SLIT3: variants seen among roughly 807,000 people sequenced by gnomAD.
The protein encoded by SLIT3 is slit guidance ligand 3, also known as slit homolog 3 protein.
A neutral mutation model predicts 184.0 loss-of-function variants in SLIT3; 68 were observed. That is an observed-to-expected ratio of 0.37 (90% CI 0.30 to 0.45). SLIT3 has a LOEUF of 0.45. SLIT3 is among the 20% of genes least tolerant of loss of function. The pLI is 1.00. For missense variants in SLIT3, 1,707 were observed against 2,026.0 expected (o/e 0.84, Z 3.02); for synonymous variants, 831 against 828.6 (o/e 1.00, Z -0.05).
chr5:169,220,196 GT>G, intron 3 of SLIT3, among the ~76,000 whole-genome samples: 1 of 151,996 alleles, frequency 6.6e-6, no homozygotes, highest in Admixed American at 6.6e-5. Flanking sequence ...GGACACCACA[GT>G]GCCCTGTATA....
intron 22 of SLIT3, 30 bp downstream of exon 22, chr5:168,722,903 A>ATT (rs1762988773): frequency 6.5e-7 from 1 of 1,549,804 alleles, no homozygotes; most frequent in Non-Finnish European, 8.9e-7. Context: ...GCCCAAGGGC[A>ATT]TGGTAAACAC....
intron 4 of SLIT3, among the ~76,000 whole-genome samples, chr5:169,075,640 G>A (rs1005225246): frequency 2.0e-5 from 3 of 152,216 alleles, no homozygotes; most frequent in African/African-American, 7.2e-5. Context: ...AACATTCTAG[G>A]TGGAAGCAAA....
rs10041941 is a variant in SLIT3, at chr5:168,823,377, G to T, written c.558-46C>A. 14,915 of 1,398,706 alleles carry T rather than the reference G, an allele frequency of 0.011. 1,186 individuals carry two copies. In the African/African-American group the frequency reaches 0.18, roughly 17 times the overall value. 86.6% of individuals were successfully genotyped at this position (1,398,706 alleles called of 1,614,324 possible). On this transcript the variant is annotated intron_variant, in intron 6 of 35. Transcript: ENST00000519560. ...GATGGTCAGCCAGGCAGCAGCAGGGGAGGCACCAAGATGCTTGTAGTAGGT... is the reference window on the plus strand; with the variant it reads ...GATGGTCAGCCAGGCAGCAGCAGGGTAGGCACCAAGATGCTTGTAGTAGGT...
At chr5:169,189,082 C>T (rs1181597348) in intron 4 of SLIT3, among the ~76,000 whole-genome samples, 2 of 152,148 alleles carry the variant, frequency 1.3e-5, no homozygotes, top group Admixed American at 6.5e-5. Flanking sequence ...GATATAAGTT[C>T]AGGGAACTTC....
intron 4 of SLIT3, among the ~76,000 whole-genome samples, chr5:169,034,467 G>A (rs950670086): frequency 6.6e-6 from 1 of 152,178 alleles, no homozygotes; most frequent in African/African-American, 2.4e-5. Context: ...TCTTTTACAT[G>A]TGGAAATTCA....
At chr5:169,272,244 C>T in intron 1 of SLIT3, among the ~76,000 whole-genome samples, 1 of 152,220 alleles carries the variant, frequency 6.6e-6, no homozygotes, top group Non-Finnish European at 1.5e-5. Context: ...CCACCCTGAC[C>T]CACAATCCCA....
At chr5:169,214,059 T>A (rs1418746359) in intron 3 of SLIT3, among the ~76,000 whole-genome samples, 1 of 152,192 alleles carries the variant, frequency 6.6e-6, no homozygotes, top group African/African-American at 2.4e-5. Context: ...CATTTACTAC[T>A]CAGAACAATT....
chr5:169,239,443 T>C (rs1384504643), intron 3 of SLIT3, among the ~76,000 whole-genome samples: 2 of 152,164 alleles, frequency 1.3e-5, no homozygotes, highest in Non-Finnish European at 2.9e-5. Context: ...GCTAAAGCCA[T>C]CTGAGCCTAG....
intron 4 of SLIT3, among the ~76,000 whole-genome samples, chr5:169,039,205 G>A (rs1757362092): frequency 6.6e-6 from 1 of 152,096 alleles, no homozygotes; most frequent in Admixed American, 6.5e-5. Context: ...AAGAAACAGA[G>A]GAAGTACATT....
chr5:169,218,934 C>G (rs937811551), intron 3 of SLIT3, among the ~76,000 whole-genome samples: 1 of 152,216 alleles, frequency 6.6e-6, no homozygotes, highest in Non-Finnish European at 1.5e-5. Flanking sequence ...TGATTTATCA[C>G]TGAAATGTTG....
At chr5:168,755,405 C>CTTTCTTTCTTTCTTTCTTTCTT (rs1754875394) in intron 16 of SLIT3, among the ~76,000 whole-genome samples, 1 of 20,142 alleles carries the variant, frequency 5.0e-5, no homozygotes. Flanking sequence ...TTCTTTCTTT[C>CTTTCTTTCTTTCTTTCTTTCTT]TTTCTTTCTT....
chr5:168,744,255 C>G (rs1055168313), intron 20 of SLIT3, among the ~76,000 whole-genome samples: 2 of 152,194 alleles, frequency 1.3e-5, no homozygotes, highest in Non-Finnish European at 2.9e-5. Flanking sequence ...CGCCACGGCA[C>G]TCCAGCCTGG....
At chr5:169,262,680 C>T (rs1470115433) in intron 1 of SLIT3, among the ~76,000 whole-genome samples, 2 of 152,180 alleles carry the variant, frequency 1.3e-5, no homozygotes, top group African/African-American at 4.8e-5. Context: ...AATTTCATTC[C>T]ACAGCTCAAT....
chr5:169,165,302 CCT>C (rs1561708802), intron 4 of SLIT3, among the ~76,000 whole-genome samples: 1 of 152,178 alleles, frequency 6.6e-6, no homozygotes, highest in Non-Finnish European at 1.5e-5. Context: ...CCTAGGCCAA[CCT>C]AAAAGAGAGA....
intron 9 of SLIT3, among the ~76,000 whole-genome samples, chr5:168,800,352 G>A (rs1756720534): frequency 6.6e-6 from 1 of 152,212 alleles, no homozygotes; most frequent in Admixed American, 6.5e-5. Flanking sequence ...TTGGGAGGCT[G>A]AGGCGGTTGG....
intron 8 of SLIT3, among the ~76,000 whole-genome samples, chr5:168,816,435 C>T (rs111637492): frequency 0.011 from 1,726 of 152,280 alleles, 38 homozygotes; most frequent in African/African-American, 0.04. Flanking sequence ...GATCCACCTG[C>T]TTTGGCCTCC....
chr5:168,752,852 G>A (rs1031837169), intron 18 of SLIT3, 103 bp downstream of exon 18: 1 of 1,205,358 alleles, frequency 8.3e-7, no homozygotes, highest in African/African-American at 1.5e-5. Flanking sequence ...TAAGTGGACA[G>A]ACAGATAGAT....
chr5:168,669,539 TG>T (rs1207475217), intron 35 of SLIT3, among the ~76,000 whole-genome samples: 1 of 152,164 alleles, frequency 6.6e-6, no homozygotes, highest in Non-Finnish European at 1.5e-5. Context: ...CTAAAAAAAA[TG>T]TTTTTTGTGG....
intron 8 of SLIT3, among the ~76,000 whole-genome samples, chr5:168,809,688 G>T (rs1055452993): frequency 6.6e-6 from 1 of 152,136 alleles, no homozygotes; most frequent in African/African-American, 2.4e-5. Context: ...TACTCTCAGT[G>T]CCTAAAACAG....
Sources: gnomAD v4.1 joint callset for allele counts (sites outside exome capture counted in the v4.1 genomes callset) on GRCh38, gnomAD v4.1.1 for gene constraint, MANE v1.5 for transcripts, NCBI Gene and HGNC (gene_info 2026-07-23, HGNC 2026-07-21) for gene names.